AGAP3: variants seen among roughly 807,000 people sequenced by gnomAD.
AGAP3 encodes arf-GAP with GTPase, ANK repeat and PH domain-containing protein 3.
In AGAP3, 24 loss-of-function variants were observed where a neutral mutation model predicts 96.9. The ratio of observed to expected loss-of-function variants is 0.25; its 90% CI spans 0.18 to 0.35. The LOEUF (loss-of-function observed/expected upper bound fraction) is 0.35. AGAP3 is among the 10% of genes least tolerant of loss of function. The pLI, the probability that AGAP3 is intolerant of heterozygous loss-of-function variation, is 1.00. For synonymous variants in AGAP3, 563 were observed against 536.1 expected, an observed-to-expected ratio of 1.05 and a Z score of -0.69; for missense variants, 876 against 1,254.2, an observed-to-expected ratio of 0.70 and a Z score of 4.55.
rs977057694 is a variant in AGAP3 at position 151,139,356 on chromosome 7, G to A, written c.1667-623G>A. ...CCCAGCCCACCCCTGGGAGAAGTGA[G>A]CTTGGAGCGCATGAGAAGGGGAGCC... On this transcript the variant is annotated intron_variant, in intron 12 of 17. Coordinates refer to ENST00000397238, the MANE Select transcript of AGAP3 (RefSeq NM_031946.7). This position sits in a 1 kb window ranked among gnomAD's most constrained non-coding sequence, Gnocchi z 4.9. 1.2e-4 allele frequency among the ~76,000 whole-genome samples: 19 copies of A among 152,190 alleles called. No individual in the cohort carries two copies. Among genetic ancestry groups the A allele is most frequent in the Non-Finnish European group, 2.6e-4 (18 of 68,024 alleles).
intron 5 of AGAP3, 42 bp downstream of exon 5, chr7:151,117,819 C>G (rs1435650256): frequency 1.3e-6 from 2 of 1,572,958 alleles, no homozygotes; most frequent in Admixed American, 3.6e-5. Context: ...AGCAGGAAGT[C>G]CCGGGCAACG....
At chr7:151,132,075 G>A (rs1800424505) in intron 10 of AGAP3, among the ~76,000 whole-genome samples, 1 of 152,232 alleles carries the variant, frequency 6.6e-6, no homozygotes, top group Non-Finnish European at 1.5e-5. Context: ...AAGTCATTGA[G>A]TGGACACTGG....
intron 9 of AGAP3, among the ~76,000 whole-genome samples, 199 bp downstream of exon 9, chr7:151,124,085 C>A (rs1800051873): frequency 6.6e-6 from 1 of 152,190 alleles, no homozygotes; most frequent in Non-Finnish European, 1.5e-5. Context: ...CTTCAGGCCA[C>A]GAGCTCTGCC....
rs1356283313 is a variant in AGAP3, at chr7:151,086,561, CGCCTCCTGGCCTCG to C, written c.-174_-161del. On this transcript the variant is annotated 5_prime_UTR_variant, in exon 1 of 18. Coordinates refer to ENST00000397238, the MANE Select transcript of AGAP3 (RefSeq NM_031946.7). ...GCGGCGGCCACAGCGTGCGCGGCGG[CGCCTCCTGGCCTCG>C]GCCTCCGGCCCCCGGCCCCCGGCTC... 1.4e-5 allele frequency among the ~76,000 whole-genome samples: 2 copies of C among 147,476 alleles called. No homozygotes were observed. Among genetic ancestry groups the C allele is most frequent in the Non-Finnish European group, 3.0e-5 (2 of 66,114 alleles).
chr7:151,101,734 G>T (rs1025564459), intron 1 of AGAP3, among the ~76,000 whole-genome samples: 2 of 152,206 alleles, frequency 1.3e-5, no homozygotes, highest in African/African-American at 4.8e-5. Flanking sequence ...CAGAGGAGGG[G>T]CCCAGGATAG....
intron 1 of AGAP3, among the ~76,000 whole-genome samples, chr7:151,089,079 C>G (rs1798275506): frequency 6.6e-6 from 1 of 152,146 alleles, no homozygotes; most frequent in South Asian, 2.1e-4. Flanking sequence ...TCCCTCCCCC[C>G]TGCCCAGCCT....
At chr7:151,134,610 T>A in intron 11 of AGAP3, 42 bp downstream of exon 11, 1 of 1,552,432 alleles carries the variant, frequency 6.4e-7, no homozygotes, top group Non-Finnish European at 8.8e-7. Context: ...GGTGGCTGCC[T>A]TGGAGCCAAG....
At chr7:151,115,705 C>T (rs1024138222) in intron 1 of AGAP3, 1 of 1,019,630 alleles carries the variant, frequency 9.8e-7, no homozygotes, top group Non-Finnish European at 1.2e-6. Context: ...GCCGGACGCG[C>T]CCAGGGCAGG....
intron 9 of AGAP3, among the ~76,000 whole-genome samples, chr7:151,124,672 G>A (rs1007955169): frequency 1.3e-5 from 2 of 152,238 alleles, no homozygotes; most frequent in Non-Finnish European, 2.9e-5. Flanking sequence ...CCTGAGCCTG[G>A]CGTGGCAAGG....
At chr7:151,126,626 G>T (rs1484650998) in intron 9 of AGAP3, among the ~76,000 whole-genome samples, 1 of 152,154 alleles carries the variant, frequency 6.6e-6, no homozygotes, top group African/African-American at 2.4e-5. Context: ...TAGAGCCTTC[G>T]AGCACGCTAG....
chr7:151,130,213 C>T (rs979874060), intron 10 of AGAP3, among the ~76,000 whole-genome samples: 1 of 152,186 alleles, frequency 6.6e-6, no homozygotes, highest in Non-Finnish European at 1.5e-5. Context: ...GCTTGGTGCG[C>T]TGTCTGTGCC....
chr7:151,134,896 T>C (rs1281431099), intron 11 of AGAP3, among the ~76,000 whole-genome samples: 1 of 152,072 alleles, frequency 6.6e-6, no homozygotes, highest in African/African-American at 2.4e-5. Flanking sequence ...TCTGGGTGCA[T>C]GGCCGGCATC....
At chr7:151,104,589 C>T (rs1798966497) in intron 1 of AGAP3, among the ~76,000 whole-genome samples, 1 of 152,198 alleles carries the variant, frequency 6.6e-6, no homozygotes, top group South Asian at 2.1e-4. Context: ...CAGGGGCGTG[C>T]CCATCAGAAG....
intron 10 of AGAP3, 122 bp downstream of exon 10, chr7:151,128,806 G>A: frequency 1.2e-6 from 1 of 836,784 alleles, no homozygotes; most frequent in Non-Finnish European, 1.9e-6. Flanking sequence ...GATTTCAAAT[G>A]GCTCATCCCT....
chr7:151,143,555 A>G lies in AGAP3; in HGVS notation c.2488A>G (p.Ser830Gly), dbSNP rs764714430. The G allele has an allele frequency of 6.2e-7, 1 of 1,611,740 alleles. No individual in the cohort carries two copies. Among genetic ancestry groups the G allele is most frequent in the Non-Finnish European group, 8.5e-7 (1 of 1,178,448 alleles). ...CGGGCGGACGGCTCTACATCTCTCCAGTGCCATGGCCAACGTTGTCTTCAC... is the reference window on the plus strand; with the variant it reads ...CGGGCGGACGGCTCTACATCTCTCCGGTGCCATGGCCAACGTTGTCTTCAC... ...GDGRTALHLS[S>G]AMANVVFTQL... is the part of the protein sequence containing the mutation. Residue 830 changes from serine (S) to glycine (G), a missense_variant, in exon 17 of 18, where the codon AGT (serine) becomes GGT (glycine). Ser to Gly is a moderately conservative substitution (Grantham distance 56, BLOSUM62 0). Coordinates refer to ENST00000397238, the MANE Select transcript of AGAP3 (RefSeq NM_031946.7). The surrounding 1 kb of genome is among the most constrained non-coding windows in gnomAD (Gnocchi z 5.9).
intron 10 of AGAP3, among the ~76,000 whole-genome samples, chr7:151,129,342 G>C (rs1800310776): frequency 6.6e-6 from 1 of 151,996 alleles, no homozygotes. Context: ...GCCCCCCACT[G>C]CCCCGCCCCG....
chr7:151,102,413 T>C (rs983699818), intron 1 of AGAP3, among the ~76,000 whole-genome samples: 6 of 152,150 alleles, frequency 3.9e-5, no homozygotes, highest in African/African-American at 1.4e-4. Context: ...GCTTCTGCTG[T>C]GGGTGACAGG....
At chr7:151,112,395 A>ATGTGTG (rs1222900313) in intron 1 of AGAP3, among the ~76,000 whole-genome samples, 4 of 96,502 alleles carry the variant, frequency 4.1e-5, no homozygotes, top group Admixed American at 3.3e-4. Context: ...CTTCCCCGAG[A>ATGTGTG]CGTGTGTGTG....
intron 9 of AGAP3, 27 bp from the exon 10 acceptor site, chr7:151,128,553 G>C: frequency 6.2e-7 from 1 of 1,607,274 alleles, no homozygotes; most frequent in East Asian, 2.2e-5. Flanking sequence ...GCTGGCTCCT[G>C]GTTTCTGATC....
Sources: allele counts gnomAD v4.1 joint callset (sites outside exome capture counted in the v4.1 genomes callset), GRCh38; gene constraint gnomAD v4.1.1; non-coding constraint Gnocchi (gnomAD v3.1); transcripts MANE v1.5; gene names NCBI Gene and HGNC (gene_info 2026-07-23, HGNC 2026-07-21).